The following TENM2 variants were observed in gnomAD, a reference collection of about 807,000 sequenced individuals.
TENM2 encodes teneurin-2.
A neutral mutation model predicts 245.2 loss-of-function variants in TENM2; 52 were observed. The ratio of observed to expected loss-of-function variants is 0.21; its 90% CI spans 0.17 to 0.27. The LOEUF is 0.27. Among genes scored for constraint, TENM2 ranks in the 10% least tolerant of loss-of-function variants. The pLI is 1.00. For synonymous variants in TENM2, 1,363 were observed against 1,438.9 expected (o/e 0.95, Z 1.19); for missense variants, 3,046 against 3,666.8 (o/e 0.83, Z 4.37).
chr5:166,994,242 G>T, the TENM2 span, among the ~76,000 whole-genome samples: 1 of 152,190 alleles, frequency 6.6e-6, no homozygotes, highest in East Asian at 1.9e-4. Context: ...TTCACTTTTT[G>T]TCACGCATGC....
At chr5:168,047,849 T>G (rs1193287778) in intron 6 of TENM2, among the ~76,000 whole-genome samples, 1 of 152,140 alleles carries the variant, frequency 6.6e-6, no homozygotes, top group African/African-American at 2.4e-5. Context: ...TCCCAGGGCC[T>G]GTGCAGAAAC....
chr5:168,132,970 C>T (rs1184385473), intron 12 of TENM2, among the ~76,000 whole-genome samples: 2 of 152,194 alleles, frequency 1.3e-5, no homozygotes, highest in African/African-American at 4.8e-5. Context: ...ATTGTGGTAT[C>T]ATGAACAGTA....
intron 2 of TENM2, among the ~76,000 whole-genome samples, chr5:167,393,459 G>A (rs193248751): frequency 1.1e-4 from 17 of 152,260 alleles, no homozygotes; most frequent in African/African-American, 4.1e-4. Flanking sequence ...TTTCAGGGGT[G>A]TGGCATTTCA....
chr5:167,261,309 C>A, the TENM2 span, among the ~76,000 whole-genome samples: 1 of 152,056 alleles, frequency 6.6e-6, no homozygotes, highest in Non-Finnish European at 1.5e-5. Flanking sequence ...GCTTGTGTGA[C>A]CTTGTATTCA....
chr5:167,850,253 T>C (rs1323744782), intron 2 of TENM2, among the ~76,000 whole-genome samples: 1 of 152,214 alleles, frequency 6.6e-6, no homozygotes, highest in Admixed American at 6.5e-5. Context: ...CACAGTAACA[T>C]GTTCACAGGG....
intron 4 of TENM2, among the ~76,000 whole-genome samples, chr5:167,990,138 A>T (rs952590311): frequency 1.3e-5 from 2 of 152,342 alleles, no homozygotes; most frequent in African/African-American, 4.8e-5. Flanking sequence ...ATCATTTAAG[A>T]AATAAATTCG....
chr5:167,754,831 C>A, intron 2 of TENM2: 2 of 410,232 alleles, frequency 4.9e-6, no homozygotes, highest in African/African-American at 2.0e-5. Flanking sequence ...TGGCTGGCAG[C>A]GGGGGAGGCG....
intron 2 of TENM2, among the ~76,000 whole-genome samples, chr5:167,597,941 C>T (rs931482731): frequency 1.3e-5 from 2 of 152,252 alleles, no homozygotes; most frequent in African/African-American, 4.8e-5. Flanking sequence ...AGTAGACAGG[C>T]AATGTTGACT....
At chr5:167,997,584 G>GT (rs1784147287) in intron 5 of TENM2, among the ~76,000 whole-genome samples, 2 of 152,176 alleles carry the variant, frequency 1.3e-5, no homozygotes, top group South Asian at 4.1e-4. Flanking sequence ...GCTGTTGTAA[G>GT]TTAAAAACAG....
At chr5:167,093,755 G>A in the TENM2 span, among the ~76,000 whole-genome samples, 2 of 152,162 alleles carry the variant, frequency 1.3e-5, no homozygotes, top group African/African-American at 2.4e-5. Flanking sequence ...AGAACAGAAG[G>A]AAGAGGATTT....
At chr5:167,771,843 A>T (rs1160761255) in intron 2 of TENM2, among the ~76,000 whole-genome samples, 1 of 152,182 alleles carries the variant, frequency 6.6e-6, no homozygotes, top group Admixed American at 6.5e-5. Flanking sequence ...TTAAAGCTGA[A>T]ATGTTTTTGA....
At chr5:167,517,335 C>T (rs996705842) in intron 2 of TENM2, among the ~76,000 whole-genome samples, 9 of 152,086 alleles carry the variant, frequency 5.9e-5, no homozygotes, top group African/African-American at 1.7e-4. Flanking sequence ...TATACATAAA[C>T]GCTCTTTTCT....
intron 2 of TENM2, among the ~76,000 whole-genome samples, chr5:167,437,215 A>G (rs576954748): frequency 2.0e-5 from 3 of 152,254 alleles, no homozygotes; most frequent in South Asian, 2.1e-4. Flanking sequence ...GACCATGGGA[A>G]CCCACCTCTT....
chr5:167,562,872 G>T lies in TENM2; in HGVS notation c.502+187399G>T, dbSNP rs553152027. On this transcript the variant is annotated intron_variant, in intron 2 of 28. Coordinates refer to ENST00000518659, the Ensembl canonical transcript of TENM2. Reference sequence around the variant, plus strand: ...CTCGGGAGGCTGAGGCAGGAGAATCGCTTGAACCTGGGAGGCGGAGGTTGC... The same window carrying T: ...CTCGGGAGGCTGAGGCAGGAGAATCTCTTGAACCTGGGAGGCGGAGGTTGC... 2.1e-4 allele frequency among the ~76,000 whole-genome samples: 31 copies of T among 151,106 alleles called. No individual in the cohort carries two copies. The South Asian group carries it at 6.5e-3, about 32-fold the overall frequency.
At chr5:167,685,612 A>G (rs76486928) in intron 2 of TENM2, among the ~76,000 whole-genome samples, 1,688 of 152,210 alleles carry the variant, frequency 0.011, 29 homozygotes, top group African/African-American at 0.037. Context: ...AGGAGTGTCT[A>G]CCTGTTCCCA....
chr5:167,016,889 C>G, the TENM2 span, among the ~76,000 whole-genome samples: 1 of 152,166 alleles, frequency 6.6e-6, no homozygotes, highest in Non-Finnish European at 1.5e-5. Context: ...CCCTGTGAAT[C>G]TCTGGAGAAA....
chr5:167,802,034 C>T (rs111350568), intron 2 of TENM2, among the ~76,000 whole-genome samples: 2,987 of 152,138 alleles, frequency 0.02, 104 homozygotes, highest in African/African-American at 0.068. Context: ...GCTCATTCCC[C>T]GTAGATGGCA....
intron 2 of TENM2, among the ~76,000 whole-genome samples, chr5:167,708,233 G>GGAGAGA (rs10646203): frequency 1.3e-4 from 19 of 149,110 alleles, no homozygotes; most frequent in African/African-American, 4.4e-4. Context: ...AGAAAGTGAT[G>GGAGAGA]GAGAGAGAGA....
At chr5:167,458,141 C>T (rs1766035056) in intron 2 of TENM2, among the ~76,000 whole-genome samples, 1 of 151,978 alleles carries the variant, frequency 6.6e-6, no homozygotes, top group South Asian at 2.1e-4. Context: ...TTGTTATACA[C>T]AATAAATAAG....
Sources: gnomAD v4.1 joint callset for allele counts (sites outside exome capture counted in the v4.1 genomes callset) on GRCh38, gnomAD v4.1.1 for gene constraint, MANE v1.5 for transcripts, NCBI Gene and HGNC (gene_info 2026-07-23, HGNC 2026-07-21) for gene names.